The following BCAS3 variants were observed in gnomAD, a reference collection of about 807,000 sequenced individuals.
BCAS3 encodes the protein BCAS4/BCAS3 fusion.
A neutral mutation model predicts 116.1 loss-of-function variants in BCAS3; 53 were observed. The ratio of observed to expected loss-of-function variants is 0.46; its 90% CI spans 0.37 to 0.57. BCAS3 has a LOEUF of 0.57. Among genes scored for constraint, BCAS3 ranks in the 20% least tolerant of loss-of-function variants. BCAS3 has a pLI of 0.00. For missense variants in BCAS3, 917 were observed against 1,165.4 expected, an observed-to-expected ratio of 0.79 and a Z score of 3.10; for synonymous variants, 391 against 408.2, an observed-to-expected ratio of 0.96 and a Z score of 0.51.
rs2073901249 is a variant in BCAS3 at position 61,095,367 on chromosome 17, T to C, written c.2425+10803T>C. Among the ~76,000 whole-genome samples the C allele has an allele frequency of 2.0e-5, 3 of 152,364 alleles. No individual in the cohort carries two copies. Among genetic ancestry groups the C allele is most frequent in the Admixed American group, 1.3e-4 (2 of 15,308 alleles). The stretch of plus-strand genomic sequence containing the variant: ...TTGATATTTCTACATAGAGGCTTTA[T>C]CATTGTTTTTAAATTAGCTGATACA... On this transcript the variant is annotated intron_variant, in intron 22 of 23. Coordinates refer to ENST00000407086, the MANE Select transcript of BCAS3 (RefSeq NM_017679.5). The surrounding 1 kb of genome is among the most constrained non-coding windows in gnomAD (Gnocchi z 4.7).
chr17:61,108,564 G>A (rs2074826212), intron 22 of BCAS3, among the ~76,000 whole-genome samples: 1 of 146,242 alleles, frequency 6.8e-6, no homozygotes, highest in South Asian at 2.1e-4. Flanking sequence ...TGTAGGTTAT[G>A]GAACATTTTC....
intron 15 of BCAS3, among the ~76,000 whole-genome samples, chr17:61,005,818 T>G (rs913989634): frequency 6.6e-6 from 1 of 151,900 alleles, no homozygotes; most frequent in Admixed American, 6.6e-5. Flanking sequence ...TTATTATACT[T>G]TAAGTTTTAG....
chr17:61,360,373 A>G (rs1229437224), intron 22 of BCAS3, among the ~76,000 whole-genome samples: 1 of 152,178 alleles, frequency 6.6e-6, no homozygotes, highest in Non-Finnish European at 1.5e-5. Context: ...TGGAAGCCAA[A>G]TATTTGTTTC....
At position 60,851,788 on chromosome 17, in the gene BCAS3, T is replaced by C. The variant is rs1418555450; in HGVS notation, c.477-16788T>C. Reference sequence around the variant, plus strand: ...TATCAGTGGTCCCTGTCTCCCTTCTTGTACAATCCAGAGGAATATTTTTAT... The same window carrying C: ...TATCAGTGGTCCCTGTCTCCCTTCTCGTACAATCCAGAGGAATATTTTTAT... On this transcript the variant is annotated intron_variant, in intron 7 of 23. Coordinates refer to ENST00000407086, the MANE Select transcript of BCAS3 (RefSeq NM_017679.5). 3.4e-6 allele frequency: 4 copies of C among 1,182,068 alleles called. No individual in the cohort carries two copies. In the East Asian group the frequency reaches 9.4e-5, roughly 28 times the overall value. 73.2% of individuals were successfully genotyped at this position (1,182,068 alleles called of 1,614,324 possible).
At chr17:61,240,598 G>GGA (rs757910205) in intron 22 of BCAS3, among the ~76,000 whole-genome samples, 57 of 152,336 alleles carry the variant, frequency 3.7e-4, no homozygotes, top group Non-Finnish European at 6.3e-4. Flanking sequence ...AGGTTGCAGT[G>GGA]AGCTGAGATT....
chr17:60,759,733 T>C (rs181397289), intron 6 of BCAS3, among the ~76,000 whole-genome samples: 2 of 152,212 alleles, frequency 1.3e-5, no homozygotes, highest in South Asian at 2.1e-4. Context: ...GGTGTGATTG[T>C]AGCTCACTGC....
At chr17:60,686,526 TTTAA>T (rs1413257116) in intron 3 of BCAS3, among the ~76,000 whole-genome samples, 52 of 151,976 alleles carry the variant, frequency 3.4e-4, no homozygotes, top group Non-Finnish European at 3.7e-4. Context: ...AATTTATTTA[TTTAA>T]TTTTTTTTTT....
At chr17:61,152,704 T>C (rs1273937764) in intron 22 of BCAS3, among the ~76,000 whole-genome samples, 2 of 152,004 alleles carry the variant, frequency 1.3e-5, no homozygotes, top group East Asian at 3.8e-4. Flanking sequence ...AATAAAGTCT[T>C]AAGGTTAACT....
chr17:61,083,373 G>T lies in BCAS3; in HGVS notation c.2328-1094G>T, dbSNP rs1362651136. ...TGTATTTTATGTTTTGTTTCTGCTT[G>T]TTCTCAGAGTAATGCCTACAAGCAA... On this transcript the variant is annotated intron_variant, in intron 21 of 23. Coordinates refer to ENST00000407086, the MANE Select transcript of BCAS3 (RefSeq NM_017679.5). This position sits in a 1 kb window ranked among gnomAD's most constrained non-coding sequence, Gnocchi z 4.9. 1.3e-5 allele frequency among the ~76,000 whole-genome samples: 2 copies of T among 151,992 alleles called. No homozygotes were observed. Among genetic ancestry groups the T allele is most frequent in the African/African-American group, 2.4e-5 (1 of 41,366 alleles).
intron 5 of BCAS3, among the ~76,000 whole-genome samples, chr17:60,715,312 T>G (rs1181298239): frequency 6.6e-6 from 1 of 151,574 alleles, no homozygotes; most frequent in Non-Finnish European, 1.5e-5. Context: ...TGTTTTGTAA[T>G]TTTTAGTAGA....
intron 22 of BCAS3, among the ~76,000 whole-genome samples, chr17:61,314,674 AG>A (rs2144792217): frequency 6.6e-6 from 1 of 152,346 alleles, no homozygotes; most frequent in East Asian, 1.9e-4. Flanking sequence ...AATTGCCTGA[AG>A]GGTTCCAAAA....
chr17:60,872,931 A>G lies in BCAS3; in HGVS notation c.585-1731A>G, dbSNP rs146240064. 7.2e-5 allele frequency among the ~76,000 whole-genome samples: 11 copies of G among 152,076 alleles called. No individual in the cohort carries two copies. The East Asian group carries it at 2.1e-3, about 29-fold the overall frequency. On this transcript the variant is annotated intron_variant, in intron 8 of 23. Transcript: ENST00000407086. Reference sequence around the variant, plus strand: ...CTGTGTGTGTGTTTCATTATTTGATATTTTCTGTCAAACGCTGTGTGTAGA... The same window carrying G: ...CTGTGTGTGTGTTTCATTATTTGATGTTTTCTGTCAAACGCTGTGTGTAGA...
chr17:60,773,520 C>T (rs925864746), intron 6 of BCAS3, among the ~76,000 whole-genome samples: 6 of 152,006 alleles, frequency 3.9e-5, no homozygotes, highest in Non-Finnish European at 8.8e-5. Flanking sequence ...CTTAAACTCT[C>T]GGACTCAAAC....
chr17:60,889,281 G>A (rs2056969518), intron 9 of BCAS3, among the ~76,000 whole-genome samples: 1 of 152,130 alleles, frequency 6.6e-6, no homozygotes, highest in Non-Finnish European at 1.5e-5. Flanking sequence ...TATCATGTCT[G>A]ATAGTCTCAT....
rs559262008 is a variant in BCAS3 at position 61,318,592 on chromosome 17, G to T, written c.2426-49735G>T. On this transcript the variant is annotated intron_variant, in intron 22 of 23. Coordinates refer to ENST00000407086, the MANE Select transcript of BCAS3 (RefSeq NM_017679.5). ...CAGGTGGAACTGCCAACAGATGACG[G>T]GTTATTTCCCGTGTTTCTCCCCACC... 1.2e-4 allele frequency among the ~76,000 whole-genome samples: 19 copies of T among 152,272 alleles called. No individual in the cohort carries two copies. In the South Asian group the frequency reaches 3.9e-3, roughly 32 times the overall value.
intron 22 of BCAS3, among the ~76,000 whole-genome samples, chr17:61,308,151 C>A (rs2053990767): frequency 1.4e-5 from 2 of 139,790 alleles, no homozygotes; most frequent in African/African-American, 6.5e-5. Flanking sequence ...ATGGGCACAA[C>A]TGGCCAAGTG....
chr17:60,882,755 TATGTGGC>T (rs1049570038), intron 9 of BCAS3, among the ~76,000 whole-genome samples: 2 of 147,888 alleles, frequency 1.4e-5, no homozygotes, highest in African/African-American at 5.2e-5. Flanking sequence ...TAGTTGTAGG[TATGTGGC>T]ATTATTTCTG....
intron 19 of BCAS3, among the ~76,000 whole-genome samples, chr17:61,053,505 G>A (rs1438935450): frequency 1.3e-5 from 2 of 152,184 alleles, no homozygotes; most frequent in African/African-American, 4.8e-5. Context: ...CGTGGATATT[G>A]TCAGTGCCCT....
intron 14 of BCAS3, among the ~76,000 whole-genome samples, chr17:60,988,345 T>C (rs967129497): frequency 7.0e-6 from 1 of 143,208 alleles, no homozygotes; most frequent in Non-Finnish European, 1.5e-5. Context: ...TTTCTTTTTT[T>C]TTTTTTTTTT....
Sources: gnomAD v4.1 joint callset for allele counts (sites outside exome capture counted in the v4.1 genomes callset) on GRCh38, gnomAD v4.1.1 for gene constraint, Gnocchi (gnomAD v3.1) non-coding constraint, MANE v1.5 for transcripts, NCBI Gene and HGNC (gene_info 2026-07-23, HGNC 2026-07-21) for gene names.